PLEKHH1: variants seen among roughly 807,000 people sequenced by gnomAD.
The protein encoded by PLEKHH1 is pleckstrin homology, MyTH4 and FERM domain containing H1.
In PLEKHH1, 104 loss-of-function variants were observed where a neutral mutation model predicts 160.0. The ratio of observed to expected loss-of-function variants is 0.65; its 90% CI spans 0.55 to 0.76. PLEKHH1 has a LOEUF of 0.76. Among genes scored for constraint, PLEKHH1 ranks in the 30% least tolerant of loss-of-function variants. PLEKHH1 has a pLI of 0.00. For missense variants in PLEKHH1, 1,427 were observed against 1,724.1 expected (o/e 0.83, Z 3.05); for synonymous variants, 619 against 678.4 (o/e 0.91, Z 1.36).
chr14:67,568,932 G>C (rs2035237298), intron 7 of PLEKHH1: 1 of 547,960 alleles, frequency 1.8e-6, no homozygotes, highest in African/African-American at 1.9e-5. Flanking sequence ...TCTCACAGCA[G>C]CCTGAAAGGT....
At position 67,583,657 on chromosome 14, in the gene PLEKHH1, T is replaced by C; in HGVS notation, c.3427-84T>C. 4.1e-6 allele frequency: 4 copies of C among 986,894 alleles called. No homozygotes were observed. The South Asian group carries it at 7.1e-5, about 17-fold the overall frequency. The allele number at this position is 986,894 out of a possible 1,614,324, so 61.1% of individuals were successfully genotyped here. A position where few individuals can be genotyped will look rare whatever the true frequency, so the allele number is the denominator to read the frequency against. On this transcript the variant is annotated intron_variant, in intron 24 of 28. Coordinates refer to ENST00000329153, the MANE Select transcript of PLEKHH1 (RefSeq NM_020715.3). ...CCCCACCAATAGGGTAATAAAGAAA[T>C]GGTTTATTTCACCTCTCAACAGCCC...
In PLEKHH1 at chr14:67,575,517, G is replaced by A. The variant is rs780823452; in HGVS notation, c.2169+45G>A. 8.2e-6 allele frequency: 10 copies of A among 1,214,750 alleles called. No individual in the cohort carries two copies. In the African/African-American group the frequency reaches 8.9e-5, roughly 11 times the overall value. The allele number at this position is 1,214,750 out of a possible 1,614,324, so 75.2% of individuals were successfully genotyped here. On this transcript the variant is annotated intron_variant, in intron 15 of 28. Transcript: ENST00000329153. ...CAATACCCACTCTCCTGCTTCCCCC[G>A]AAGCACATGACTGCCACTCTATGTC...
chr14:67,556,894 C>G (rs1227361023), intron 3 of PLEKHH1, among the ~76,000 whole-genome samples: 1 of 152,170 alleles, frequency 6.6e-6, no homozygotes, highest in South Asian at 2.1e-4. Flanking sequence ...GTAAATATCT[C>G]TACCACGGTG....
intron 23 of PLEKHH1, chr14:67,581,709 C>A: frequency 1.0e-5 from 2 of 200,188 alleles, no homozygotes; most frequent in Non-Finnish European, 2.1e-5. Context: ...TAAGAAAATC[C>A]CATCCCTCCA....
At chr14:67,585,749 C>A in intron 27 of PLEKHH1, 95 bp downstream of exon 27, 1 of 1,055,544 alleles carries the variant, frequency 9.5e-7, no homozygotes, top group Non-Finnish European at 1.4e-6. Flanking sequence ...ACCAAGTGAC[C>A]ATGGCTGCCC....
intron 2 of PLEKHH1, among the ~76,000 whole-genome samples, chr14:67,546,258 T>C (rs1266426346): frequency 1.3e-5 from 2 of 152,210 alleles, no homozygotes; most frequent in Non-Finnish European, 2.9e-5. Context: ...TCATGGTCCA[T>C]TTCTTAAAGA....
chr14:67,575,717 G>T, intron 15 of PLEKHH1, 106 bp from the exon 16 acceptor site: 2 of 850,288 alleles, frequency 2.4e-6, no homozygotes, highest in Non-Finnish European at 1.9e-6. Context: ...TCCTGTCATC[G>T]GTCCATATCC....
chr14:67,575,975 C>G lies in PLEKHH1; in HGVS notation c.2322C>G (p.Thr774=). 6.2e-7 allele frequency: 1 copy of G among 1,613,566 alleles called. No homozygotes were observed. The highest frequency in any genetic ancestry group is 1.3e-5 in the African/African-American group (1 of 75,054). Residue 774 remains threonine (T), a synonymous_variant, in exon 16 of 29, where the codon ACC becomes ACG. Coordinates refer to ENST00000329153, the MANE Select transcript of PLEKHH1 (RefSeq NM_020715.3). ...LVIHPTEHSP[T]YLLIGTKHEK... The stretch of plus-strand genomic sequence containing the variant: ...TCCACCCCACAGAGCACAGCCCCAC[C>G]TACCTCCTCATTGGCACCAAGCATG...
In PLEKHH1 at chr14:67,585,970, C is replaced by T. The variant is rs1482180995; in HGVS notation, c.3806C>T (p.Pro1269Leu). ...CCACAGCAAGTGCACATCACTTACC[C>T]CTACTCTTCAGTGACAACGTTTGGT... ...HNTMQVHITY[P>L]YSSVTTFGGC... Residue 1269 changes from proline (P) to leucine (L), a missense_variant, in exon 28 of 29, where the codon CCC (proline) becomes CTC (leucine). By Grantham distance (98) the Pro-to-Leu change is moderately conservative (BLOSUM62 -3). This residue lies in a region of PLEKHH1 where 56 missense variants were observed against 53.0 expected (regional missense o/e 1.06). Coordinates refer to ENST00000329153, the MANE Select transcript of PLEKHH1 (RefSeq NM_020715.3). 2 of 1,613,592 alleles carry T rather than the reference C, an allele frequency of 1.2e-6. No individual in the cohort carries two copies. Among genetic ancestry groups the T allele is most frequent in the Non-Finnish European group, 1.7e-6 (2 of 1,179,668 alleles).
At chr14:67,551,297 G>A (rs1477324988) in intron 2 of PLEKHH1, among the ~76,000 whole-genome samples, 6 of 152,066 alleles carry the variant, frequency 3.9e-5, no homozygotes, top group South Asian at 2.1e-4. Context: ...ACACTGTCCC[G>A]GCCAAACTGG....
intron 2 of PLEKHH1, among the ~76,000 whole-genome samples, chr14:67,549,625 C>T (rs1282654006): frequency 6.6e-6 from 1 of 152,106 alleles, no homozygotes; most frequent in African/African-American, 2.4e-5. Context: ...TCCTGCTCAC[C>T]ATAGTATTTC....
In PLEKHH1 at chr14:67,572,224, C is replaced by T. The variant is rs769159489; in HGVS notation, c.1675C>T (p.His559Tyr). 4.2e-5 allele frequency: 68 copies of T among 1,609,368 alleles called. No homozygotes were observed. The highest frequency in any genetic ancestry group is 5.0e-5 in the Admixed American group (3 of 59,522). ...SLDSDYSEPE[H>Y]KLQRTSSYST... is the part of the protein sequence containing the mutation. The stretch of plus-strand genomic sequence containing the variant: ...GGACAGTGACTACTCAGAGCCTGAG[C>T]ACAAACTGCAGCGCACCTCATCCTA... Residue 559 changes from histidine (H) to tyrosine (Y), a missense_variant, in exon 11 of 29, where the codon CAC becomes TAC. Around this residue, in one of 6 missense-constraint regions of PLEKHH1, gnomAD observed 831 missense variants for 929.2 expected, o/e 0.89. Coordinates refer to ENST00000329153, the MANE Select transcript of PLEKHH1 (RefSeq NM_020715.3).
chr14:67,582,027 G>A lies in PLEKHH1; in HGVS notation c.3285-42G>A, dbSNP rs1339386758. 2 of 1,580,422 alleles carry A rather than the reference G, an allele frequency of 1.3e-6. No individual in the cohort carries two copies. The highest frequency in any genetic ancestry group is 1.7e-6 in the Non-Finnish European group (2 of 1,161,668). ...CCAGAGAAAGCCCCATCCCTGTTTG[G>A]AATCCCTGCTGAGTCCTGGTTTCTT... On this transcript the variant is annotated intron_variant, in intron 23 of 28. Coordinates refer to ENST00000329153, the MANE Select transcript of PLEKHH1 (RefSeq NM_020715.3). The surrounding 1 kb of genome is among the most constrained non-coding windows in gnomAD (Gnocchi z 5.0).
Position 67,557,267 on chromosome 14 carries a change from A to G in PLEKHH1, c.190-2A>G, listed in dbSNP as rs1370513877. On this transcript the variant is annotated splice_acceptor_variant, in intron 3 of 28. Transcript: ENST00000329153. LOFTEE classifies it high-confidence loss of function. ...ACACTATGAGATCATTGTACTTTTC[A>G]GGTGGGTGTCATGGAAGAGAAGGTA... is the stretch of plus-strand genomic sequence containing the variant. 1 of 1,613,088 alleles carries G rather than the reference A, an allele frequency of 6.2e-7. No homozygotes were observed. Among genetic ancestry groups the G allele is most frequent in the Admixed American group, 1.7e-5 (1 of 59,968 alleles).
Position 67,573,939 on chromosome 14 carries a change from G to A in PLEKHH1, c.1926+52G>A. The stretch of plus-strand genomic sequence containing the variant: ...TTTAAACAGAAGAGGTGCTGGGTTT[G>A]GATATGGCCGTGAGTGAGACAAAGA... On this transcript the variant is annotated intron_variant, in intron 13 of 28. Coordinates refer to ENST00000329153, the MANE Select transcript of PLEKHH1 (RefSeq NM_020715.3). This position sits in a 1 kb window ranked among gnomAD's most constrained non-coding sequence, Gnocchi z 4.8. 1 of 1,329,366 alleles carries A rather than the reference G, an allele frequency of 7.5e-7. No individual in the cohort carries two copies. The highest frequency in any genetic ancestry group is 1.2e-5 in the South Asian group (1 of 85,468). The allele number at this position is 1,329,366 out of a possible 1,614,324, so 82.3% of individuals were successfully genotyped here. A position where few individuals can be genotyped will look rare whatever the true frequency, so the allele number is the denominator to read the frequency against.
chr14:67,578,092 A>G lies in PLEKHH1; in HGVS notation c.2644A>G (p.Thr882Ala), dbSNP rs1294312262. ...SVDYHVSLAQ[T>A]ALQVCLVHPE... ...GGACTACCATGTGTCCCTGGCCCAG[A>G]CCGCACTGCAGGTCTGCCTGGTTCA... The change falls in exon 19 of 29, where the codon ACC (threonine) becomes GCC (alanine). Residue 882 changes from threonine (T) to alanine (A), a missense_variant. Physicochemically the swap from Thr to Ala is moderately conservative, Grantham distance 58. Coordinates refer to ENST00000329153, the MANE Select transcript of PLEKHH1 (RefSeq NM_020715.3). The surrounding 1 kb of genome is among the most constrained non-coding windows in gnomAD (Gnocchi z 5.0). 6.2e-7 allele frequency: 1 copy of G among 1,613,700 alleles called. No homozygotes were observed. Among genetic ancestry groups the G allele is most frequent in the South Asian group, 1.1e-5 (1 of 91,056 alleles).
intron 2 of PLEKHH1, among the ~76,000 whole-genome samples, chr14:67,554,243 C>T (rs780791778): frequency 6.6e-6 from 1 of 152,066 alleles, no homozygotes; most frequent in Non-Finnish European, 1.5e-5. Flanking sequence ...GGGTCCTGCT[C>T]ATCTACCTTT....
At chr14:67,585,685 C>T (rs761153023) in intron 27 of PLEKHH1, 31 bp downstream of exon 27, 2 of 1,401,346 alleles carry the variant, frequency 1.4e-6, no homozygotes, top group South Asian at 1.2e-5. Flanking sequence ...CTCCCTGACC[C>T]CTCCTCTTCC....
chr14:67,548,322 C>T (rs2034258328), intron 2 of PLEKHH1, among the ~76,000 whole-genome samples: 1 of 152,186 alleles, frequency 6.6e-6, no homozygotes, highest in South Asian at 2.1e-4. Flanking sequence ...GACTACATGG[C>T]ATCAATATTA....
Sources: allele counts gnomAD v4.1 joint callset (sites outside exome capture counted in the v4.1 genomes callset), GRCh38; gene constraint gnomAD v4.1.1; regional missense constraint gnomAD v4.1.1; non-coding constraint Gnocchi (gnomAD v3.1); transcripts MANE v1.5; gene names NCBI Gene and HGNC (gene_info 2026-07-23, HGNC 2026-07-21).